ROBO2: variants seen among roughly 807,000 people sequenced by gnomAD.
ROBO2 encodes the protein roundabout homolog 2.
A neutral mutation model predicts 160.8 loss-of-function variants in ROBO2; 53 were observed. The ratio of observed to expected loss-of-function variants is 0.33; its 90% CI spans 0.26 to 0.41. ROBO2 has a LOEUF of 0.41. Ranked by LOEUF, ROBO2 falls within the 10% of genes least tolerant of loss-of-function variation. The pLI is 1.00. For synonymous variants in ROBO2, 664 were observed against 611.7 expected, an observed-to-expected ratio of 1.09 and a Z score of -1.26; for missense variants, 1,577 against 1,722.4, an observed-to-expected ratio of 0.92 and a Z score of 1.49.
intron 3 of ROBO2, 56 bp downstream of exon 3, chr3:77,477,627 A>G: frequency 6.8e-7 from 1 of 1,481,042 alleles, no homozygotes; most frequent in Non-Finnish European, 9.4e-7. Context: ...CTCAAAATAC[A>G]AAATAGATGT....
At chr3:77,567,092 A>G (rs2153665153) in intron 12 of ROBO2, among the ~76,000 whole-genome samples, 1 of 152,134 alleles carries the variant, frequency 6.6e-6, no homozygotes, top group Non-Finnish European at 1.5e-5. Flanking sequence ...AAAATGAAAA[A>G]AAAAAAGTAG....
chr3:77,222,436 C>A (rs75258340), intron 2 of ROBO2, among the ~76,000 whole-genome samples: 172 of 152,166 alleles, frequency 1.1e-3, no homozygotes, highest in African/African-American at 3.9e-3. Flanking sequence ...GTCAGAAGAA[C>A]TGAGTAATAA....
chr3:77,345,074 C>CT (rs1260937413), intron 2 of ROBO2, among the ~76,000 whole-genome samples: 1 of 151,432 alleles, frequency 6.6e-6, no homozygotes, highest in African/African-American at 2.4e-5. Context: ...GGGAAACACC[C>CT]TTAAAAAAAA....
At chr3:76,968,168 TAA>T (rs1202274601) in intron 2 of ROBO2, among the ~76,000 whole-genome samples, 2 of 152,186 alleles carry the variant, frequency 1.3e-5, no homozygotes, top group African/African-American at 4.8e-5. Context: ...GATCCAAAAA[TAA>T]TTGAGAGGGA....
chr3:77,488,146 A>C (rs2085609747), intron 4 of ROBO2, among the ~76,000 whole-genome samples: 1 of 152,186 alleles, frequency 6.6e-6, no homozygotes, highest in Non-Finnish European at 1.5e-5. Flanking sequence ...CCATTTTGGA[A>C]CTAAATTGAC....
intron 2 of ROBO2, among the ~76,000 whole-genome samples, chr3:76,973,964 C>T (rs980590936): frequency 1.3e-5 from 2 of 152,100 alleles, no homozygotes; most frequent in Non-Finnish European, 2.9e-5. Context: ...GATGAACATA[C>T]AATGAGTTAT....
intron 2 of ROBO2, among the ~76,000 whole-genome samples, chr3:76,530,553 C>T (rs972833931): frequency 2.0e-5 from 3 of 152,148 alleles, no homozygotes; most frequent in Non-Finnish European, 4.4e-5. Context: ...GGTTGACCTA[C>T]GTAGAGATTG....
chr3:76,816,790 A>G (rs1180016441), intron 2 of ROBO2, among the ~76,000 whole-genome samples: 1 of 152,098 alleles, frequency 6.6e-6, no homozygotes, highest in Non-Finnish European at 1.5e-5. Context: ...TTGTGGCACT[A>G]TTCACAATAG....
intron 2 of ROBO2, among the ~76,000 whole-genome samples, chr3:76,015,522 T>C (rs1227356205): frequency 6.6e-6 from 1 of 152,246 alleles, no homozygotes; most frequent in Non-Finnish European, 1.5e-5. Flanking sequence ...TACACAATTT[T>C]AGCCATCAAC....
At chr3:76,188,341 C>T (rs909427433) in intron 2 of ROBO2, among the ~76,000 whole-genome samples, 3 of 151,852 alleles carry the variant, frequency 2.0e-5, no homozygotes, top group Admixed American at 6.6e-5. Flanking sequence ...CAGACACATA[C>T]AGAAAAAAAG....
At chr3:76,153,521 C>A (rs1056612697) in intron 2 of ROBO2, among the ~76,000 whole-genome samples, 1 of 152,012 alleles carries the variant, frequency 6.6e-6, no homozygotes, top group Admixed American at 6.6e-5. Context: ...AAGAAAAGAA[C>A]CCTAAACCAA....
chr3:76,490,943 A>G (rs2079784950), intron 2 of ROBO2, among the ~76,000 whole-genome samples: 1 of 149,074 alleles, frequency 6.7e-6, no homozygotes, highest in Admixed American at 6.8e-5. Context: ...TTGATCCTCA[A>G]TGAAGATTAA....
chr3:77,134,653 C>T (rs1443774739), intron 2 of ROBO2, among the ~76,000 whole-genome samples: 2 of 152,132 alleles, frequency 1.3e-5, no homozygotes, highest in Non-Finnish European at 2.9e-5. Flanking sequence ...ACTTCTGAAA[C>T]CCTTTCAGCA....
At chr3:76,397,264 T>C (rs1386690953) in intron 2 of ROBO2, among the ~76,000 whole-genome samples, 1 of 152,172 alleles carries the variant, frequency 6.6e-6, no homozygotes, top group African/African-American at 2.4e-5. Flanking sequence ...GAAAACTGGC[T>C]AGCCATATGT....
chr3:76,414,340 A>G (rs1369943135), intron 2 of ROBO2, among the ~76,000 whole-genome samples: 2 of 152,106 alleles, frequency 1.3e-5, no homozygotes, highest in East Asian at 3.9e-4. Context: ...TTCAAATTGT[A>G]TGTAGCACAG....
chr3:75,968,371 A>G (rs1489029898), intron 2 of ROBO2, among the ~76,000 whole-genome samples: 3 of 151,478 alleles, frequency 2.0e-5, no homozygotes, highest in Non-Finnish European at 4.4e-5. Context: ...CTGCTCTGAT[A>G]GTATTGAAGT....
chr3:76,969,518 A>G (rs1360722788), intron 2 of ROBO2, among the ~76,000 whole-genome samples: 1 of 152,184 alleles, frequency 6.6e-6, no homozygotes, highest in Non-Finnish European at 1.5e-5. Context: ...GAAACAGTGC[A>G]TTTGCTGAAT....
At chr3:76,525,300 A>C (rs1432720657) in intron 2 of ROBO2, among the ~76,000 whole-genome samples, 2 of 151,930 alleles carry the variant, frequency 1.3e-5, no homozygotes, top group Non-Finnish European at 2.9e-5. Flanking sequence ...CATAGATGAT[A>C]AGATGAAGGA....
At chr3:75,965,942 A>G (rs184587027) in intron 2 of ROBO2, among the ~76,000 whole-genome samples, 5 of 151,872 alleles carry the variant, frequency 3.3e-5, no homozygotes, top group African/African-American at 9.6e-5. Context: ...CTGTCTTTTG[A>G]CATTGAAATA....
Sources: gnomAD v4.1 joint callset for allele counts (sites outside exome capture counted in the v4.1 genomes callset) on GRCh38, gnomAD v4.1.1 for gene constraint, MANE v1.5 for transcripts, NCBI Gene and HGNC (gene_info 2026-07-23, HGNC 2026-07-21) for gene names.